The following TRPV3 variants were observed in gnomAD, a reference collection of about 807,000 sequenced individuals.
The protein encoded by TRPV3 is VRL-3.
Under a neutral mutation model 87.1 loss-of-function variants are expected in TRPV3, and 88 were observed. The observed-to-expected ratio is 1.01, with a 90% CI of 0.85 to 1.21. The LOEUF is 1.21. TRPV3 is among the 50% of genes most tolerant of loss of function. The pLI is 0.00. For synonymous variants in TRPV3, 438 were observed against 423.3 expected (o/e 1.03, Z -0.43); for missense variants, 1,054 against 1,030.1 (o/e 1.02, Z -0.32).
At position 3,526,815 on chromosome 17, in the gene TRPV3, T is replaced by A. The variant is rs77703783; in HGVS notation, c.1577+39A>T. 6.5e-3 allele frequency: 10,190 copies of A among 1,557,740 alleles called. 178 individuals are homozygous for A. The East Asian group carries it at 0.071, about 11-fold the overall frequency. On this transcript the variant is annotated intron_variant, in intron 12 of 17. Coordinates refer to ENST00000576742, the MANE Select transcript of TRPV3 (RefSeq NM_145068.4). ...CAGCCACCATACAGGACGTCAACCC[T>A]GCCTGTGAGGCGATAACCAAGGGGC...
chr17:3,537,380 G>A (rs1187485024), intron 6 of TRPV3, among the ~76,000 whole-genome samples: 2 of 151,864 alleles, frequency 1.3e-5, no homozygotes, highest in Non-Finnish European at 2.9e-5. Context: ...CTATTTCTGT[G>A]TACATATATA....
chr17:3,534,522 C>A (rs371556867), intron 7 of TRPV3, among the ~76,000 whole-genome samples: 1 of 152,156 alleles, frequency 6.6e-6, no homozygotes, highest in Non-Finnish European at 1.5e-5. Flanking sequence ...TTGTGTGTGA[C>A]GGAGCCATTT....
At position 3,530,826 on chromosome 17, in the gene TRPV3, C is replaced by T. The variant is rs1207017353; in HGVS notation, c.1066-623G>A. On this transcript the variant is annotated intron_variant, in intron 8 of 17. Coordinates refer to ENST00000576742, the MANE Select transcript of TRPV3 (RefSeq NM_145068.4). The surrounding 1 kb of genome is among the most constrained non-coding windows in gnomAD (Gnocchi z 4.0). ...ATCCCAGCACTTTGGGAGGCCGAGG[C>T]GGGTGGATCATTTGAGGTCAGGAGT... Among the ~76,000 whole-genome samples, 9 of 151,996 alleles carry T rather than the reference C, an allele frequency of 5.9e-5. No individual in the cohort carries two copies. Among genetic ancestry groups the T allele is most frequent in the African/African-American group, 9.7e-5 (4 of 41,392 alleles).
At chr17:3,555,325 C>T (rs1468032692) in intron 1 of TRPV3, among the ~76,000 whole-genome samples, 2 of 152,218 alleles carry the variant, frequency 1.3e-5, no homozygotes, top group Non-Finnish European at 2.9e-5. Flanking sequence ...GAGCAGCTCT[C>T]CAAGAGTTTT....
intron 2 of TRPV3, chr17:3,552,694 A>AT (rs1032259754): frequency 2.0e-5 from 3 of 152,224 alleles, no homozygotes; most frequent in Non-Finnish European, 4.4e-5. Context: ...AAATCTGTGA[A>AT]TGGGGGGGAT....
Position 3,544,066 on chromosome 17 carries a change from T to C in TRPV3, c.312-438A>G, listed in dbSNP as rs565856921. Among the ~76,000 whole-genome samples the C allele has an allele frequency of 8.2e-4, 124 of 152,082 alleles. 1 individual carries two copies. Among genetic ancestry groups the C allele is most frequent in the African/African-American group, 3.0e-3 (123 of 41,520 alleles). ...CTCTGTCACCCAGGCTGGAGTACAGTGACACAATCTCAGCTCACTACAACC... is the reference window on the plus strand; with the variant it reads ...CTCTGTCACCCAGGCTGGAGTACAGCGACACAATCTCAGCTCACTACAACC... On this transcript the variant is annotated intron_variant, in intron 4 of 17. Coordinates refer to ENST00000576742, the MANE Select transcript of TRPV3 (RefSeq NM_145068.4).
At position 3,542,505 on chromosome 17, in the gene TRPV3, C is replaced by G; in HGVS notation, c.643+17G>C. On this transcript the variant is annotated intron_variant, in intron 6 of 17. Transcript: ENST00000576742. The stretch of plus-strand genomic sequence containing the variant: ...TCAGAGACTCCTGTCTGCACAGCCC[C>G]TCTGCAGGCAGGATACCTTCATAGG... 2 of 1,610,040 alleles carry G rather than the reference C, an allele frequency of 1.2e-6. No homozygotes were observed. The highest frequency in any genetic ancestry group is 1.7e-6 in the Non-Finnish European group (2 of 1,177,872).
chr17:3,522,829 A>G (rs527784661), intron 13 of TRPV3, among the ~76,000 whole-genome samples: 1 of 152,206 alleles, frequency 6.6e-6, no homozygotes, highest in East Asian at 1.9e-4. Flanking sequence ...ACAAAAAAAA[A>G]AAAAAAAAGC....
At chr17:3,536,502 C>T (rs180991237) in intron 6 of TRPV3, among the ~76,000 whole-genome samples, 2 of 152,258 alleles carry the variant, frequency 1.3e-5, no homozygotes, top group South Asian at 2.1e-4. Context: ...GCAGGAGAAT[C>T]GCTTGAACCC....
At chr17:3,542,370 G>C in intron 6 of TRPV3, 152 bp downstream of exon 6, 2 of 831,626 alleles carry the variant, frequency 2.4e-6, no homozygotes, top group East Asian at 5.4e-5. Flanking sequence ...AGAAAGAGAG[G>C]GTTGCCTGAA....
Position 3,535,707 on chromosome 17 carries a change from G to C in TRPV3, c.650C>G (p.Thr217Arg), listed in dbSNP as rs762270385. 4 of 1,541,174 alleles carry C rather than the reference G, an allele frequency of 2.6e-6. No homozygotes were observed. Among genetic ancestry groups the C allele is most frequent in the South Asian group, 2.4e-5 (2 of 82,162 alleles). Residue 217 changes from threonine (T) to arginine (R), a missense_variant, in exon 7 of 18, where the codon ACG (threonine) becomes AGG (arginine). By Grantham distance (71) the Thr-to-Arg change is moderately conservative (BLOSUM62 -1). Coordinates refer to ENST00000576742, the MANE Select transcript of TRPV3 (RefSeq NM_145068.4). ...EYTEEAYEGQ[T>R]ALNIAIERRQ... The stretch of plus-strand genomic sequence containing the variant: ...CCGCTCGATGGCGATGTTCAGCGCC[G>C]TCTGCCCTGCGGAGCGGGCGGGGAC...
At chr17:3,545,609 A>G (rs977473229) in intron 2 of TRPV3, among the ~76,000 whole-genome samples, 2 of 151,918 alleles carry the variant, frequency 1.3e-5, no homozygotes, top group Non-Finnish European at 2.9e-5. Flanking sequence ...TGTGGCCCAC[A>G]CTTCCTCCTC....
Position 3,518,635 on chromosome 17 carries a change from G to A in TRPV3, c.2026C>T (p.Leu676=), listed in dbSNP as rs752996555. 27 of 1,588,274 alleles carry A rather than the reference G, an allele frequency of 1.7e-5. No individual in the cohort carries two copies. The South Asian group carries it at 1.8e-4, about 11-fold the overall frequency. ...ACGTTCTCCACAGTCTCGCCCATCA[G>A]AGCAATGAGCATGTTGAGGAGGAGA... The part of the protein sequence containing the change: ...FVLLLNMLIA[L]MGETVENVSK... Residue 676 remains leucine (L), a synonymous_variant, in exon 15 of 18, where the codon CTG becomes TTG. Transcript: ENST00000576742. This position sits in a 1 kb window ranked among gnomAD's most constrained non-coding sequence, Gnocchi z 4.3.
At chr17:3,524,007 C>T (rs1222717949) in intron 13 of TRPV3, among the ~76,000 whole-genome samples, 191 bp downstream of exon 13, 1 of 152,138 alleles carries the variant, frequency 6.6e-6, no homozygotes, top group African/African-American at 2.4e-5. Flanking sequence ...CCCCAGCACC[C>T]CACAAGCCTG....
intron 7 of TRPV3, among the ~76,000 whole-genome samples, chr17:3,534,237 G>A (rs2074378644): frequency 6.6e-6 from 1 of 151,994 alleles, no homozygotes; most frequent in Non-Finnish European, 1.5e-5. Flanking sequence ...GCACAGACTA[G>A]CTAGTCCTGC....
At chr17:3,527,742 C>T (rs988528212) in intron 11 of TRPV3, 5 of 454,304 alleles carry the variant, frequency 1.1e-5, no homozygotes, top group South Asian at 8.9e-5. Flanking sequence ...GGCAGGTGAT[C>T]GGATGGGTGG....
At chr17:3,527,873 A>G (rs1047780163) in intron 11 of TRPV3, 152 bp downstream of exon 11, 3 of 642,832 alleles carry the variant, frequency 4.7e-6, no homozygotes, top group Non-Finnish European at 8.3e-6. Context: ...AGCCTTATCC[A>G]TTTTTTCCCA....
rs1158182949 is a variant in TRPV3 at position 3,535,732 on chromosome 17, C to A, written c.644-19G>T. 6.8e-7 allele frequency: 1 copy of A among 1,464,604 alleles called. No homozygotes were observed. The highest frequency in any genetic ancestry group is 2.6e-5 in the Admixed American group (1 of 37,854). The allele number at this position is 1,464,604 out of a possible 1,614,324, so 90.7% of individuals were successfully genotyped here. On this transcript the variant is annotated intron_variant, in intron 6 of 17. Transcript: ENST00000576742. ...GTCTGCCCTGCGGAGCGGGCGGGGA[C>A]GCGCGGGAGCCTCAGCGCCGGGCAC...
At chr17:3,546,967 C>CAAAAAAAAAA (rs59021941) in intron 2 of TRPV3, among the ~76,000 whole-genome samples, 3 of 123,610 alleles carry the variant, frequency 2.4e-5, no homozygotes, top group Non-Finnish European at 3.3e-5. Flanking sequence ...GACTCCTTCT[C>CAAAAAAAAAA]AAAAAAAAAA....
Sources: gnomAD v4.1 joint callset for allele counts (sites outside exome capture counted in the v4.1 genomes callset) on GRCh38, gnomAD v4.1.1 for gene constraint, Gnocchi (gnomAD v3.1) non-coding constraint, MANE v1.5 for transcripts, NCBI Gene and HGNC (gene_info 2026-07-23, HGNC 2026-07-21) for gene names.